Variants in TSC22D1 observed in about 807,000 individuals in gnomAD.
The protein encoded by TSC22D1 is TSC22 domain family member 1, also known as TSC22 domain family protein 1.
In TSC22D1, 9 loss-of-function variants were observed where a neutral mutation model predicts 74.2. The ratio of observed to expected loss-of-function variants is 0.12; its 90% CI spans 0.07 to 0.21. The LOEUF (loss-of-function observed/expected upper bound fraction) is 0.21. Among genes scored for constraint, TSC22D1 ranks in the 10% least tolerant of loss-of-function variants. The probability of loss-of-function intolerance (pLI) is 1.00; values close to 1 mark genes in which losing one functional copy is unlikely to be tolerated. For synonymous variants in TSC22D1, 586 were observed against 492.5 expected (o/e 1.19, Z -2.51); for missense variants, 1,427 against 1,304.7 (o/e 1.09, Z -1.44).
At chr13:44,497,876 A>G (rs1879042865) in intron 1 of TSC22D1, among the ~76,000 whole-genome samples, 1 of 152,264 alleles carries the variant, frequency 6.6e-6, no homozygotes, top group African/African-American at 2.4e-5. Context: ...ATCTAATCAT[A>G]TAAGTTTCCT....
intron 1 of TSC22D1, among the ~76,000 whole-genome samples, chr13:44,492,778 G>T (rs1055710132): frequency 5.3e-5 from 8 of 151,634 alleles, no homozygotes; most frequent in East Asian, 1.9e-4. Context: ...ATTCACAGGG[G>T]TTTTTTTTCC....
At chr13:44,508,353 T>G (rs1879531279) in intron 1 of TSC22D1, among the ~76,000 whole-genome samples, 1 of 152,228 alleles carries the variant, frequency 6.6e-6, no homozygotes, top group South Asian at 2.1e-4. Context: ...ATGATACTAA[T>G]GAACACATGG....
At chr13:44,564,433 G>A (rs748743893) in intron 1 of TSC22D1, among the ~76,000 whole-genome samples, 22 of 152,176 alleles carry the variant, frequency 1.4e-4, no homozygotes, top group African/African-American at 4.1e-4. Flanking sequence ...AGATTGGTAC[G>A]TCAGAGGCAG....
intron 1 of TSC22D1, among the ~76,000 whole-genome samples, chr13:44,534,843 A>C (rs2138074738): frequency 6.6e-6 from 1 of 152,332 alleles, no homozygotes; most frequent in East Asian, 1.9e-4. Context: ...TTGCTTTGCC[A>C]AAATCTGCAA....
chr13:44,493,177 A>G (rs1358997518), intron 1 of TSC22D1, among the ~76,000 whole-genome samples: 1 of 152,230 alleles, frequency 6.6e-6, no homozygotes, highest in Non-Finnish European at 1.5e-5. Context: ...CAGAGGAAAC[A>G]TGAAATTTTG....
intron 1 of TSC22D1, chr13:44,436,695 A>G: frequency 1.3e-6 from 2 of 1,530,430 alleles, no homozygotes; most frequent in Non-Finnish European, 1.7e-6. Context: ...TATAAGCTAG[A>G]TAAAATCTTC....
chr13:44,450,257 G>A (rs1445142102), intron 1 of TSC22D1, among the ~76,000 whole-genome samples: 2 of 152,210 alleles, frequency 1.3e-5, no homozygotes, highest in Admixed American at 6.5e-5. Context: ...GTAGTTGAGT[G>A]TGGCTATGGA....
In TSC22D1 at chr13:44,539,519, T is replaced by C. The variant is rs1437332492; in HGVS notation, c.2912+33644A>G. 16 of 985,438 alleles carry C rather than the reference T, an allele frequency of 1.6e-5. No individual in the cohort carries two copies. In the South Asian group the frequency reaches 4.7e-4, roughly 29 times the overall value. The allele number at this position is 985,438 out of a possible 1,614,324, so 61.0% of individuals were successfully genotyped here. A position where few individuals can be genotyped will look rare whatever the true frequency, so the allele number is the denominator to read the frequency against. ...AGATATTCCCGTTTTAAAATTCCTG[T>C]GGACTACATAGGCATTCGTCAAATC... On this transcript the variant is annotated intron_variant, in intron 1 of 2. Coordinates refer to ENST00000458659, the MANE Select transcript of TSC22D1 (RefSeq NM_183422.4).
chr13:44,530,393 C>T (rs1040419625), intron 1 of TSC22D1, among the ~76,000 whole-genome samples: 3 of 151,854 alleles, frequency 2.0e-5, no homozygotes, highest in African/African-American at 7.3e-5. Context: ...ACCCCTTTCA[C>T]AAAAACTGAG....
chr13:44,553,784 T>C (rs1023448555), intron 1 of TSC22D1, among the ~76,000 whole-genome samples: 14 of 152,210 alleles, frequency 9.2e-5, no homozygotes, highest in African/African-American at 3.4e-4. Context: ...TATAATACTG[T>C]CCTGGCAGCA....
At chr13:44,500,319 CAT>C (rs1879169171) in intron 1 of TSC22D1, among the ~76,000 whole-genome samples, 1 of 152,142 alleles carries the variant, frequency 6.6e-6, no homozygotes, top group Non-Finnish European at 1.5e-5. Context: ...AAAAAAACCT[CAT>C]ATACACACTT....
chr13:44,457,713 C>T (rs966266383), intron 1 of TSC22D1, among the ~76,000 whole-genome samples: 10 of 148,508 alleles, frequency 6.7e-5, no homozygotes, highest in Admixed American at 2.7e-4. Flanking sequence ...AAAAGGAAAT[C>T]GCTAAATCCT....
intron 1 of TSC22D1, among the ~76,000 whole-genome samples, chr13:44,475,402 T>A (rs1566130432): frequency 6.9e-6 from 1 of 144,994 alleles, no homozygotes; most frequent in Admixed American, 7.0e-5. Context: ...ATTATTGGGA[T>A]AAGGATTTCA....
intron 1 of TSC22D1, chr13:44,437,270 T>C: frequency 1.0e-6 from 1 of 985,444 alleles, no homozygotes. Context: ...TCTGAGCTAC[T>C]GGGCATGCCC....
chr13:44,512,200 T>C (rs1595128168), intron 1 of TSC22D1, among the ~76,000 whole-genome samples: 2 of 152,236 alleles, frequency 1.3e-5, no homozygotes, highest in Admixed American at 6.5e-5. Flanking sequence ...GACGGAGTCT[T>C]GCTCTTTCGC....
intron 1 of TSC22D1, among the ~76,000 whole-genome samples, chr13:44,480,551 G>A (rs1878128699): frequency 6.6e-6 from 1 of 152,186 alleles, no homozygotes; most frequent in African/African-American, 2.4e-5. Flanking sequence ...TAGAATTTAG[G>A]ATGATGCAGG....
Position 44,435,858 on chromosome 13 carries a change from C to A in TSC22D1, c.2964+186G>T. ...AGACCATTTAATACCCGCAGGGCCC[C>A]TTTCTCCCTCCACGGCTGCCGTGGT... On this transcript the variant is annotated intron_variant, in intron 2 of 2. Coordinates refer to ENST00000458659, the MANE Select transcript of TSC22D1 (RefSeq NM_183422.4). 3 of 659,386 alleles carry A rather than the reference C, an allele frequency of 4.5e-6. No homozygotes were observed. In the South Asian group the frequency reaches 5.3e-5, roughly 12 times the overall value. The allele number at this position is 659,386 out of a possible 1,614,324, so 40.8% of individuals were successfully genotyped here.
At chr13:44,516,003 C>T (rs1879961954) in intron 1 of TSC22D1, among the ~76,000 whole-genome samples, 1 of 152,124 alleles carries the variant, frequency 6.6e-6, no homozygotes, top group African/African-American at 2.4e-5. Flanking sequence ...TTCTAGTATA[C>T]TATTTTCAAG....
intron 1 of TSC22D1, among the ~76,000 whole-genome samples, chr13:44,544,170 T>C (rs1881663004): frequency 1.3e-5 from 2 of 152,326 alleles, no homozygotes; most frequent in South Asian, 2.1e-4. Context: ...ATTAATTTTT[T>C]AGTATAGTTA....
Sources: gnomAD v4.1 joint callset for allele counts (sites outside exome capture counted in the v4.1 genomes callset) on GRCh38, gnomAD v4.1.1 for gene constraint, MANE v1.5 for transcripts, NCBI Gene and HGNC (gene_info 2026-07-23, HGNC 2026-07-21) for gene names.